The following DIP2C variants were observed in gnomAD, a reference collection of about 807,000 sequenced individuals.
DIP2C encodes disco-interacting protein 2 homolog C.
In DIP2C, 33 loss-of-function variants were observed where a neutral mutation model predicts 192.4. The observed-to-expected ratio is 0.17, with a 90% CI of 0.13 to 0.23. The LOEUF (loss-of-function observed/expected upper bound fraction) is 0.23. DIP2C is among the 10% of genes least tolerant of loss of function. The pLI is 1.00. For missense variants in DIP2C, 1,537 were observed against 2,110.1 expected, an observed-to-expected ratio of 0.73 and a Z score of 5.32; for synonymous variants, 979 against 864.1, an observed-to-expected ratio of 1.13 and a Z score of -2.33.
At chr10:682,833 A>G (rs192697490) in intron 1 of DIP2C, among the ~76,000 whole-genome samples, 2 of 152,312 alleles carry the variant, frequency 1.3e-5, no homozygotes, top group African/African-American at 4.8e-5. Flanking sequence ...TCCGGCCCAC[A>G]GTCTTCAATC....
chr10:418,268 C>G (rs35900138), intron 6 of DIP2C, among the ~76,000 whole-genome samples: 6,699 of 89,540 alleles, frequency 0.075, 774 homozygotes, highest in South Asian at 0.17. Flanking sequence ...ACCTGTCAGG[C>G]CTCAGATAGG....
intron 3 of DIP2C, among the ~76,000 whole-genome samples, chr10:465,430 C>CA (rs572122500): frequency 6.6e-6 from 1 of 151,944 alleles, no homozygotes; most frequent in Non-Finnish European, 1.5e-5. Flanking sequence ...CAGCCAATAT[C>CA]ATACTGAATG....
intron 1 of DIP2C, among the ~76,000 whole-genome samples, chr10:488,335 A>AG (rs1343759811): frequency 1.3e-5 from 2 of 152,234 alleles, no homozygotes; most frequent in African/African-American, 4.8e-5. Context: ...AAGACAGTTC[A>AG]GTGCAGCTCT....
chr10:654,183 C>T lies in DIP2C; in HGVS notation c.85+35311G>A, dbSNP rs565962082. 3.7e-4 allele frequency among the ~76,000 whole-genome samples: 56 copies of T among 152,290 alleles called. No homozygotes were observed. The South Asian group carries it at 0.011, about 31-fold the overall frequency. ...TGCATTTCTCCTTATCAGACGCTGC[C>T]GGAGATTGGTAGTGACGCTTTCATT... is the stretch of plus-strand genomic sequence containing the variant. On this transcript the variant is annotated intron_variant, in intron 1 of 36. Transcript: ENST00000280886.
intron 3 of DIP2C, among the ~76,000 whole-genome samples, chr10:447,921 G>T (rs1475494433): frequency 9.7e-6 from 1 of 102,850 alleles, no homozygotes; most frequent in African/African-American, 5.5e-5. Flanking sequence ...ACTCATCCCT[G>T]TCTATACTCA....
Position 682,627 on chromosome 10 carries a change from CACAGAG to C in DIP2C, c.85+6861_85+6866del, listed in dbSNP as rs1175414538. 3.3e-5 allele frequency among the ~76,000 whole-genome samples: 5 copies of C among 152,004 alleles called. No individual in the cohort carries two copies. The East Asian group carries it at 9.7e-4, about 29-fold the overall frequency. On this transcript the variant is annotated intron_variant, in intron 1 of 36. Transcript: ENST00000280886. ...TCATGGCTCAAGGGTTCTAAAATTA[CACAGAG>C]ACAAAGACTGGAATGGAAGGGGGAT...
intron 1 of DIP2C, among the ~76,000 whole-genome samples, chr10:599,237 G>A (rs1741275502): frequency 6.6e-6 from 1 of 152,144 alleles, no homozygotes; most frequent in African/African-American, 2.4e-5. Flanking sequence ...TGGTTAGAAT[G>A]AATCCACCAC....
At chr10:512,592 A>C (rs376219237) in intron 1 of DIP2C, among the ~76,000 whole-genome samples, 17 of 152,190 alleles carry the variant, frequency 1.1e-4, no homozygotes, top group African/African-American at 3.6e-4. Flanking sequence ...CTCAAAAAAC[A>C]AAAAGCAAAA....
intron 1 of DIP2C, among the ~76,000 whole-genome samples, chr10:618,821 A>G (rs1002852116): frequency 2.0e-5 from 3 of 152,230 alleles, no homozygotes; most frequent in Admixed American, 6.5e-5. Flanking sequence ...CCACACGGCC[A>G]CGTTCAGGCT....
chr10:377,199 CA>C (rs1961714128), intron 17 of DIP2C, among the ~76,000 whole-genome samples: 1 of 150,578 alleles, frequency 6.6e-6, no homozygotes, highest in East Asian at 2.0e-4. Flanking sequence ...TTTTTGTTAC[CA>C]AAAACGGGAT....
chr10:337,402 AC>A, intron 29 of DIP2C, among the ~76,000 whole-genome samples: 1 of 118,152 alleles, frequency 8.5e-6, no homozygotes, highest in East Asian at 2.8e-4. Flanking sequence ...GTGGAGGCCT[AC>A]GTAGCTGTGT....
chr10:472,441 G>T lies in DIP2C; in HGVS notation c.266C>A (p.Ser89Ter). ...GTATCACCCCACCCCGTGCTTACCT[G>T]ACCGATAGCGCTCATCTCGTGACCC... ...SSGSRDERYRSDVHTEAVQAA... is the reference protein window; with the variant it reads ...SSGSRDERYR Residue 89 changes from serine to a stop codon, truncating the protein, a stop_gained and splice_region_variant, in exon 3 of 37, where the codon TCA becomes TAA. Transcript: ENST00000280886. LOFTEE classifies it high-confidence loss of function. The T allele has an allele frequency of 6.2e-7, 1 of 1,613,994 alleles. No individual in the cohort carries two copies. Among genetic ancestry groups the T allele is most frequent in the South Asian group, 1.1e-5 (1 of 91,066 alleles).
intron 1 of DIP2C, among the ~76,000 whole-genome samples, chr10:680,115 G>C (rs1425280346): frequency 6.6e-6 from 1 of 152,216 alleles, no homozygotes; most frequent in Admixed American, 6.5e-5. Context: ...CCAGGAGGAG[G>C]CTCCTGAGCA....
chr10:358,658 CGGGGGTGGGAGGT>C (rs1423847718), intron 22 of DIP2C, among the ~76,000 whole-genome samples: 1 of 998 alleles, frequency 1.0e-3, no homozygotes, highest in African/African-American at 7.7e-3. Context: ...AGGTGGGGGA[CGGGGGTGGGAGGT>C]GGGGGACGGG....
intron 33 of DIP2C, 21 bp downstream of exon 33, chr10:288,343 G>A (rs779558672): frequency 6.2e-7 from 1 of 1,609,450 alleles, no homozygotes; most frequent in Non-Finnish European, 8.5e-7. Flanking sequence ...AGAAATGCGT[G>A]CCTCTTCCTA....
chr10:409,400 C>T (rs548258260), intron 8 of DIP2C, among the ~76,000 whole-genome samples: 3 of 152,282 alleles, frequency 2.0e-5, no homozygotes, highest in East Asian at 3.9e-4. Flanking sequence ...CGGGAGGGCC[C>T]TGAGAACCTT....
intron 8 of DIP2C, among the ~76,000 whole-genome samples, chr10:411,454 C>T (rs1032108672): frequency 2.0e-5 from 3 of 152,218 alleles, no homozygotes; most frequent in Non-Finnish European, 4.4e-5. Context: ...TAGCCACCTA[C>T]ACTTTCTGTT....
At chr10:372,145 G>A (rs570830575) in intron 17 of DIP2C, among the ~76,000 whole-genome samples, 1 of 145,808 alleles carries the variant, frequency 6.9e-6, no homozygotes, top group African/African-American at 2.5e-5. Context: ...GCGTGATCTT[G>A]GCTCGCTGCA....
intron 1 of DIP2C, among the ~76,000 whole-genome samples, chr10:530,454 G>A (rs1847297551): frequency 6.6e-6 from 1 of 152,084 alleles, no homozygotes; most frequent in Non-Finnish European, 1.5e-5. Flanking sequence ...TGACACCCCA[G>A]TTTGTACAAG....
Sources: allele counts gnomAD v4.1 joint callset (sites outside exome capture counted in the v4.1 genomes callset), GRCh38; gene constraint gnomAD v4.1.1; transcripts MANE v1.5; gene names NCBI Gene and HGNC (gene_info 2026-07-23, HGNC 2026-07-21).